Variants in ATP8B2 observed in about 807,000 individuals in gnomAD.
ATP8B2 encodes the protein ATPase phospholipid transporting 8B2.
Under a neutral mutation model 133.4 loss-of-function variants are expected in ATP8B2, and 70 were observed. The observed-to-expected ratio is 0.52, with a 90% confidence interval of 0.43 to 0.64. The LOEUF is 0.64. ATP8B2 is among the 30% of genes least tolerant of loss of function. The pLI, the probability that ATP8B2 is intolerant of heterozygous loss-of-function variation, is 0.00. For missense variants in ATP8B2, 1,101 were observed against 1,535.7 expected (o/e 0.72, Z 4.73); for synonymous variants, 517 against 589.5 (o/e 0.88, Z 1.78).
Position 154,334,666 on chromosome 1 carries a change from T to G in ATP8B2, c.837+75T>G. On this transcript the variant is annotated intron_variant, in intron 11 of 27. Transcript: ENST00000368489. This position sits in a 1 kb window ranked among gnomAD's most constrained non-coding sequence, Gnocchi z 4.6. Reference sequence around the variant, plus strand: ...GGTGCTCCTTTTCCTTTCCTCTTTCTTCTTTGGTCAGTAGACTTCAGGTTT... The same window carrying G: ...GGTGCTCCTTTTCCTTTCCTCTTTCGTCTTTGGTCAGTAGACTTCAGGTTT... 1.5e-6 allele frequency: 2 copies of G among 1,329,006 alleles called. No individual in the cohort carries two copies. Among genetic ancestry groups the G allele is most frequent in the Non-Finnish European group, 2.1e-6 (2 of 937,764 alleles). 82.3% of individuals were successfully genotyped at this position (1,329,006 alleles called of 1,614,324 possible).
chr1:154,343,761 A>C lies in ATP8B2; in HGVS notation c.1759-132A>C. On this transcript the variant is annotated intron_variant, in intron 17 of 27. Transcript: ENST00000368489. The surrounding 1 kb of genome is among the most constrained non-coding windows in gnomAD (Gnocchi z 5.8). The stretch of plus-strand genomic sequence containing the variant: ...CTCCCATAGTTACCTCTTTTTATGT[A>C]TGTGGTGACAGTCCCTAACTGTGGA... The C allele has an allele frequency of 8.6e-7, 1 of 1,161,106 alleles. No individual in the cohort carries two copies. Among genetic ancestry groups the C allele is most frequent in the East Asian group, 2.5e-5 (1 of 40,266 alleles). 71.9% of individuals were successfully genotyped at this position (1,161,106 alleles called of 1,614,324 possible). A position where few individuals can be genotyped will look rare whatever the true frequency, so the allele number is the denominator to read the frequency against.
In ATP8B2 at chr1:154,345,669, T is replaced by G; in HGVS notation, c.2694+124T>G. ...TCTGGTACATACTCTTAAAAAATGC[T>G]TATTAAAGGAGGAGAGAAGGAGCCT... On this transcript the variant is annotated intron_variant, in intron 23 of 27. Transcript: ENST00000368489. This position sits in a 1 kb window ranked among gnomAD's most constrained non-coding sequence, Gnocchi z 5.6. 7.6e-7 allele frequency: 1 copy of G among 1,310,482 alleles called. No individual in the cohort carries two copies. Among genetic ancestry groups the G allele is most frequent in the Non-Finnish European group, 1.1e-6 (1 of 927,346 alleles). 81.2% of individuals were successfully genotyped at this position (1,310,482 alleles called of 1,614,324 possible). A position where few individuals can be genotyped will look rare whatever the true frequency, so the allele number is the denominator to read the frequency against.
At chr1:154,342,280 G>T (rs1686411531) in intron 13 of ATP8B2, among the ~76,000 whole-genome samples, 200 bp from the exon 14 acceptor site, 1 of 151,816 alleles carries the variant, frequency 6.6e-6, no homozygotes, top group African/African-American at 2.4e-5. Context: ...CAGGCCTTGG[G>T]GTTCTGGAAT....
In ATP8B2 at chr1:154,342,844, T is replaced by C; in HGVS notation, c.1336T>C (p.Phe446Leu). The C allele has an allele frequency of 6.2e-7, 1 of 1,614,104 alleles. No individual in the cohort carries two copies. Among genetic ancestry groups the C allele is most frequent in the Non-Finnish European group, 8.5e-7 (1 of 1,180,004 alleles). ...FSFNPLADKK[F>L]LFWDPSLLEA... is the part of the protein sequence containing the mutation. ...CTTCAATCCTCTGGCTGACAAGAAG[T>C]TCTTATTTTGGGACCCCAGCCTGCT... The change falls in exon 15 of 28, where the codon TTC (phenylalanine) becomes CTC (leucine). Residue 446 changes from phenylalanine to leucine, a missense_variant. Transcript: ENST00000368489.
Position 154,332,610 on chromosome 1 carries a change from C to T in ATP8B2, c.510-8C>T, listed in dbSNP as rs1211234288. 1 of 1,580,146 alleles carries T rather than the reference C, an allele frequency of 6.3e-7. No homozygotes were observed. Among genetic ancestry groups the T allele is most frequent in the Non-Finnish European group, 8.6e-7 (1 of 1,161,190 alleles). On this transcript the variant is annotated splice_region_variant and splice_polypyrimidine_tract_variant and intron_variant, in intron 8 of 27. Transcript: ENST00000368489. ...GGGAGCGGGGACTCAGAGATACTGT[C>T]CTTCCAGCGAGACCAACATGAAAGT...
rs1685993006 is a variant in ATP8B2, at chr1:154,331,532, C to G, written c.365+27C>G. 1 of 1,613,938 alleles carries G rather than the reference C, an allele frequency of 6.2e-7. No individual in the cohort carries two copies. Among genetic ancestry groups the G allele is most frequent in the Non-Finnish European group, 8.5e-7 (1 of 1,179,796 alleles). ...TGAGTGCCTGTTGGAGACAAGAGCTCTGGGGACGAAGGGGGTCCCTTAGGA... is the reference window on the plus strand; with the variant it reads ...TGAGTGCCTGTTGGAGACAAGAGCTGTGGGGACGAAGGGGGTCCCTTAGGA... On this transcript the variant is annotated intron_variant, in intron 6 of 27. Coordinates refer to ENST00000368489, the MANE Select transcript of ATP8B2 (RefSeq NM_001370597.1). This position sits in a 1 kb window ranked among gnomAD's most constrained non-coding sequence, Gnocchi z 4.8.
chr1:154,339,117 T>C (rs1686292351), intron 12 of ATP8B2, among the ~76,000 whole-genome samples: 1 of 152,256 alleles, frequency 6.6e-6, no homozygotes, highest in Admixed American at 6.5e-5. Flanking sequence ...CTTTTGTTCA[T>C]ACAGATTCCC....
intron 2 of ATP8B2, chr1:154,329,117 T>C: frequency 8.2e-7 from 1 of 1,222,080 alleles, no homozygotes; most frequent in Non-Finnish European, 1.1e-6. Context: ...GCACCCATTA[T>C]TTCCCCCCTC....
At position 154,343,749 on chromosome 1, in the gene ATP8B2, C is replaced by G; in HGVS notation, c.1759-144C>G. 1 of 1,109,150 alleles carries G rather than the reference C, an allele frequency of 9.0e-7. No homozygotes were observed. Among genetic ancestry groups the G allele is most frequent in the Non-Finnish European group, 1.3e-6 (1 of 783,562 alleles). 68.7% of individuals were successfully genotyped at this position (1,109,150 alleles called of 1,614,324 possible). A position where few individuals can be genotyped will look rare whatever the true frequency, so the allele number is the denominator to read the frequency against. ...CACATCAGCCAGCTCCCATAGTTAC[C>G]TCTTTTTATGTATGTGGTGACAGTC... is the stretch of plus-strand genomic sequence containing the variant. On this transcript the variant is annotated intron_variant, in intron 17 of 27. Coordinates refer to ENST00000368489, the MANE Select transcript of ATP8B2 (RefSeq NM_001370597.1). This position sits in a 1 kb window ranked among gnomAD's most constrained non-coding sequence, Gnocchi z 5.8.
Position 154,332,041 on chromosome 1 carries a change from G to A in ATP8B2, c.509+17G>A. 1 of 1,606,124 alleles carries A rather than the reference G, an allele frequency of 6.2e-7. No homozygotes were observed. Among genetic ancestry groups the A allele is most frequent in the Non-Finnish European group, 8.5e-7 (1 of 1,172,658 alleles). ...ACTTGATGGGTAAGTGGCATGCTCA[G>A]TGTCAGCCCTCTCCTTCTGTCTCTT... On this transcript the variant is annotated intron_variant, in intron 8 of 27. Coordinates refer to ENST00000368489, the MANE Select transcript of ATP8B2 (RefSeq NM_001370597.1).
At chr1:154,339,958 G>T (rs868170184) in intron 12 of ATP8B2, among the ~76,000 whole-genome samples, 1 of 152,070 alleles carries the variant, frequency 6.6e-6, no homozygotes, top group South Asian at 2.1e-4. Flanking sequence ...GAGGCGGGAG[G>T]ATCTCTTGAG....
At position 154,344,906 on chromosome 1, in the gene ATP8B2, G is replaced by T; in HGVS notation, c.2287-65G>T. On this transcript the variant is annotated intron_variant, in intron 21 of 27. Transcript: ENST00000368489. This position sits in a 1 kb window ranked among gnomAD's most constrained non-coding sequence, Gnocchi z 4.1. ...GAAGACTGGTCTCAAAGGGGACTGG[G>T]AGGAGCTGAGACTCCCAGGTGTCTC... 6.4e-7 allele frequency: 1 copy of T among 1,561,284 alleles called. No homozygotes were observed. The highest frequency in any genetic ancestry group is 8.7e-7 in the Non-Finnish European group (1 of 1,152,344).
rs35998355 is a variant in ATP8B2, at chr1:154,347,938, C to CA, written c.3164-452dup. 5.6e-3 allele frequency among the ~76,000 whole-genome samples: 564 copies of CA among 101,322 alleles called. 3 individuals carry two copies. Among genetic ancestry groups the CA allele is most frequent in the African/African-American group, 9.3e-3 (225 of 24,260 alleles). 66.5% of individuals were successfully genotyped at this position (101,322 alleles called of 152,430 possible). Reference sequence around the variant, plus strand: ...CCTGGGCAAGAGCAAAACTCTGTCTCAAAAAAAAAAAAAAAAAATGGAACC... The same window carrying CA: ...CCTGGGCAAGAGCAAAACTCTGTCTCAAAAAAAAAAAAAAAAAAATGGAACC... On this transcript the variant is annotated intron_variant, in intron 26 of 27. Transcript: ENST00000368489.
chr1:154,342,984 A>G, intron 15 of ATP8B2, 23 bp downstream of exon 15: 2 of 1,611,600 alleles, frequency 1.2e-6, no homozygotes, highest in Non-Finnish European at 8.5e-7. Context: ...GCCGGCTCGC[A>G]CTCTCCTGAC....
Position 154,349,243 on chromosome 1 carries a change from C to A in ATP8B2, c.*125C>A. 1 of 1,243,530 alleles carries A rather than the reference C, an allele frequency of 8.0e-7. No individual in the cohort carries two copies. The highest frequency in any genetic ancestry group is 1.1e-6 in the Non-Finnish European group (1 of 903,690). 77.0% of individuals were successfully genotyped at this position (1,243,530 alleles called of 1,614,324 possible). A position where few individuals can be genotyped will look rare whatever the true frequency, so the allele number is the denominator to read the frequency against. On this transcript the variant is annotated 3_prime_UTR_variant, in exon 28 of 28. Coordinates refer to ENST00000368489, the MANE Select transcript of ATP8B2 (RefSeq NM_001370597.1). ...TTCCCGTCCCCCCGGTAGACTCTGT[C>A]CTGCTGGTCCCACCACACATGGCTG...
At chr1:154,330,770 G>A in intron 3 of ATP8B2, 45 bp from the exon 4 acceptor site, 1 of 1,530,020 alleles carries the variant, frequency 6.5e-7, no homozygotes, top group Non-Finnish European at 9.1e-7. Flanking sequence ...CTGGTTCTGG[G>A]TTGGGACTGG....
Position 154,345,255 on chromosome 1 carries a change from C to G in ATP8B2, c.2471-67C>G. 1 of 1,603,752 alleles carries G rather than the reference C, an allele frequency of 6.2e-7. No individual in the cohort carries two copies. Among genetic ancestry groups the G allele is most frequent in the Non-Finnish European group, 8.5e-7 (1 of 1,173,060 alleles). On this transcript the variant is annotated intron_variant, in intron 22 of 27. Transcript: ENST00000368489. This position sits in a 1 kb window ranked among gnomAD's most constrained non-coding sequence, Gnocchi z 5.6. ...AAGAATGACGGGAAGGGGGTTGTAA[C>G]TTGGTAGGCTCTAAAGTGTGTGGCC...
At position 154,350,912 on chromosome 1, in the gene ATP8B2, G is replaced by A. The variant is rs1686766219; in HGVS notation, c.*1794G>A. 6.7e-6 allele frequency: 1 copy of A among 150,060 alleles called. No individual in the cohort carries two copies. Among genetic ancestry groups the A allele is most frequent in the South Asian group, 2.1e-4 (1 of 4,686 alleles). 9.3% of individuals were successfully genotyped at this position (150,060 alleles called of 1,614,324 possible). A position where few individuals can be genotyped will look rare whatever the true frequency, so the allele number is the denominator to read the frequency against. The stretch of plus-strand genomic sequence containing the variant: ...TCCATATGGGAGCCCCAAAGGAACT[G>A]GATGGGCTGCAGTGAGGTGGGGGCG... On this transcript the variant is annotated 3_prime_UTR_variant, in exon 28 of 28. Transcript: ENST00000368489.
intron 27 of ATP8B2, 70 bp downstream of exon 27, chr1:154,348,608 G>T (rs2297606): frequency 0.26 from 414,456 of 1,578,686 alleles, 56,740 homozygotes; most frequent in Non-Finnish European, 0.28. Context: ...GTGAACACTG[G>T]GGGGCTCTGT....
Sources: gnomAD v4.1 joint callset for allele counts (sites outside exome capture counted in the v4.1 genomes callset) on GRCh38, gnomAD v4.1.1 for gene constraint, Gnocchi (gnomAD v3.1) non-coding constraint, MANE v1.5 for transcripts, NCBI Gene and HGNC (gene_info 2026-07-23, HGNC 2026-07-21) for gene names.